SV2C: variants seen among roughly 807,000 people sequenced by gnomAD.
SV2C encodes synaptic vesicle glycoprotein 2C, also known as solute carrier family 22 member B3.
Under a neutral mutation model 79.7 loss-of-function variants are expected in SV2C, and 49 were observed. That is an observed-to-expected ratio of 0.61 (90% CI 0.49 to 0.78). The LOEUF (loss-of-function observed/expected upper bound fraction) is 0.78, where lower values mean the gene tolerates loss of function less well. Ranked by LOEUF, SV2C falls within the 30% of genes least tolerant of loss-of-function variation. The pLI is 0.00. For synonymous variants in SV2C, 334 were observed against 333.2 expected (o/e 1.00, Z -0.03); for missense variants, 833 against 912.9 (o/e 0.91, Z 1.13).
the SV2C span, among the ~76,000 whole-genome samples, chr5:76,069,140 A>T: frequency 4.6e-5 from 7 of 152,230 alleles, no homozygotes; most frequent in African/African-American, 1.4e-4. Flanking sequence ...TCTTTTCATA[A>T]GAAATGAGCA....
chr5:76,007,153 T>A, the SV2C span, among the ~76,000 whole-genome samples: 2 of 152,146 alleles, frequency 1.3e-5, no homozygotes, highest in Admixed American at 1.3e-4. Context: ...CTAGAGTCTA[T>A]GCAGTGATTT....
the SV2C span, among the ~76,000 whole-genome samples, chr5:75,931,883 G>A: frequency 5.3e-5 from 8 of 151,824 alleles, no homozygotes; most frequent in South Asian, 4.2e-4. Flanking sequence ...ATTTCTCCAC[G>A]TCGCTCCACC....
chr5:75,928,312 T>G, the SV2C span, among the ~76,000 whole-genome samples: 1 of 152,198 alleles, frequency 6.6e-6, no homozygotes, highest in African/African-American at 2.4e-5. Flanking sequence ...AGGTTTTGTT[T>G]TCATTGTTTA....
At chr5:75,901,202 C>T in the SV2C span, among the ~76,000 whole-genome samples, 4 of 152,136 alleles carry the variant, frequency 2.6e-5, no homozygotes. Flanking sequence ...TGTTTTTTCC[C>T]CATCTTTGTG....
the SV2C span, among the ~76,000 whole-genome samples, chr5:75,880,525 C>T: frequency 6.2e-3 from 943 of 152,306 alleles, 2 homozygotes; most frequent in Non-Finnish European, 0.01. Context: ...GAACACAATG[C>T]AGCCAAGTTC....
At chr5:75,994,454 C>T in the SV2C span, among the ~76,000 whole-genome samples, 1 of 152,044 alleles carries the variant, frequency 6.6e-6, no homozygotes, top group Non-Finnish European at 1.5e-5. Context: ...TCTTAAGAGT[C>T]TTTCTGAATC....
chr5:76,316,866 T>C (rs574068456), intron 12 of SV2C, among the ~76,000 whole-genome samples: 3 of 152,162 alleles, frequency 2.0e-5, no homozygotes, highest in Middle Eastern at 3.2e-3. Flanking sequence ...TGCTCCTGGC[T>C]GCATAATACT....
the SV2C span, among the ~76,000 whole-genome samples, chr5:75,862,095 A>G: frequency 6.6e-6 from 1 of 152,220 alleles, no homozygotes; most frequent in African/African-American, 2.4e-5. Context: ...TTGAAGCAAC[A>G]TGATCATTTC....
At chr5:76,275,220 G>A (rs1746987146) in intron 4 of SV2C, among the ~76,000 whole-genome samples, 1 of 152,176 alleles carries the variant, frequency 6.6e-6, no homozygotes, top group African/African-American at 2.4e-5. Context: ...AGGTGCAGTG[G>A]CTCACGCCTG....
the SV2C span, among the ~76,000 whole-genome samples, chr5:75,920,145 G>A: frequency 0.21 from 31,306 of 152,136 alleles, 3,291 homozygotes; most frequent in African/African-American, 0.23. Flanking sequence ...TTAGAAGGGG[G>A]CTAAGGGCAC....
the SV2C span, among the ~76,000 whole-genome samples, chr5:75,885,889 C>T: frequency 6.6e-6 from 1 of 152,132 alleles, no homozygotes; most frequent in African/African-American, 2.4e-5. Context: ...TGGATCAACA[C>T]CATTGTGGCA....
At chr5:75,852,278 C>T in the SV2C span, among the ~76,000 whole-genome samples, 6 of 151,996 alleles carry the variant, frequency 3.9e-5, no homozygotes, top group African/African-American at 1.4e-4. Flanking sequence ...CAAACCTGCA[C>T]GTTCTGCACA....
the SV2C span, among the ~76,000 whole-genome samples, chr5:75,884,377 T>A: frequency 2.0e-5 from 3 of 152,182 alleles, no homozygotes; most frequent in Non-Finnish European, 4.4e-5. Context: ...TTAGAGACTG[T>A]TTTAACTCCA....
the SV2C span, among the ~76,000 whole-genome samples, chr5:75,929,035 TATGGCTAGG>T: frequency 6.6e-6 from 1 of 152,164 alleles, no homozygotes; most frequent in Non-Finnish European, 1.5e-5. Context: ...TTGCACTCAT[TATGGCTAGG>T]TTTCAAATTC....
At chr5:75,911,628 A>G in the SV2C span, 1 of 702,522 alleles carries the variant, frequency 1.4e-6, no homozygotes, top group Non-Finnish European at 2.7e-6. Context: ...AAGAAAATGA[A>G]AACATCCACA....
At chr5:76,126,470 G>C (rs2112174132) in intron 1 of SV2C, among the ~76,000 whole-genome samples, 1 of 152,226 alleles carries the variant, frequency 6.6e-6, no homozygotes. Flanking sequence ...TTCTTGGAAA[G>C]CTCCCCTCTC....
chr5:76,193,724 A>T (rs767395927), intron 2 of SV2C, among the ~76,000 whole-genome samples: 1 of 151,868 alleles, frequency 6.6e-6, no homozygotes, highest in Non-Finnish European at 1.5e-5. Context: ...CCTGAGAAAG[A>T]CCCCCAGGCT....
At chr5:76,188,338 C>G (rs886841582) in intron 2 of SV2C, among the ~76,000 whole-genome samples, 3 of 152,192 alleles carry the variant, frequency 2.0e-5, no homozygotes, top group Non-Finnish European at 4.4e-5. Flanking sequence ...CTCATTTAAT[C>G]TCTCAAAACC....
At chr5:76,092,869 C>T (rs756518595) in intron 1 of SV2C, among the ~76,000 whole-genome samples, 2 of 152,100 alleles carry the variant, frequency 1.3e-5, no homozygotes, top group Admixed American at 1.3e-4. Context: ...ACAGCTCTTT[C>T]TCAGTCTCTC....
Sources: allele counts gnomAD v4.1 joint callset (sites outside exome capture counted in the v4.1 genomes callset), GRCh38; gene constraint gnomAD v4.1.1; transcripts MANE v1.5; gene names NCBI Gene and HGNC (gene_info 2026-07-23, HGNC 2026-07-21).